SYT9: variants seen among roughly 807,000 people sequenced by gnomAD.
The protein encoded by SYT9 is synaptotagmin 9, also known as synaptotagmin-9.
In SYT9, 22 loss-of-function variants were observed where a neutral mutation model predicts 48.4. That is an observed-to-expected ratio of 0.45 (90% confidence interval 0.32 to 0.65). The LOEUF is 0.65. SYT9 is among the 30% of genes least tolerant of loss of function. SYT9 has a pLI of 0.03. For missense variants in SYT9, 577 were observed against 622.0 expected (o/e 0.93, Z 0.77); for synonymous variants, 265 against 245.0 (o/e 1.08, Z -0.76).
intron 3 of SYT9, among the ~76,000 whole-genome samples, chr11:7,332,972 T>C (rs959390588): frequency 6.6e-6 from 1 of 152,218 alleles, no homozygotes; most frequent in African/African-American, 2.4e-5. Flanking sequence ...GTGATCCAGT[T>C]TCCTGACAGA....
chr11:7,333,046 C>A (rs926431600), intron 3 of SYT9, among the ~76,000 whole-genome samples: 1 of 152,154 alleles, frequency 6.6e-6, no homozygotes, highest in Non-Finnish European at 1.5e-5. Flanking sequence ...TTTCGAGAAT[C>A]GAAACAGTTT....
chr11:7,367,248 ATTT>A (rs71056801), intron 3 of SYT9, among the ~76,000 whole-genome samples: 11 of 131,158 alleles, frequency 8.4e-5, no homozygotes, highest in Non-Finnish European at 8.1e-5. Flanking sequence ...CGCCCGGCTA[ATTT>A]TTTTTTTTTT....
chr11:7,275,922 T>C (rs903830361), intron 1 of SYT9, among the ~76,000 whole-genome samples: 3 of 152,216 alleles, frequency 2.0e-5, no homozygotes, highest in African/African-American at 4.8e-5. Context: ...CTTCAGATCA[T>C]ATGTGTCTGA....
At chr11:7,407,839 A>G (rs1847051957) in intron 3 of SYT9, among the ~76,000 whole-genome samples, 1 of 152,202 alleles carries the variant, frequency 6.6e-6, no homozygotes, top group East Asian at 1.9e-4. Flanking sequence ...TTGGCTGTAA[A>G]TACATGGATT....
chr11:7,282,036 T>G (rs1848503897), intron 1 of SYT9, among the ~76,000 whole-genome samples: 1 of 150,888 alleles, frequency 6.6e-6, no homozygotes, highest in African/African-American at 2.5e-5. Context: ...TTGCTTTAAG[T>G]TGCTAACTGT....
intron 2 of SYT9, among the ~76,000 whole-genome samples, chr11:7,305,072 A>T (rs1849008320): frequency 6.6e-6 from 1 of 152,234 alleles, no homozygotes; most frequent in Non-Finnish European, 1.5e-5. Flanking sequence ...CTGGGAAAGT[A>T]TATAAATATA....
chr11:7,414,987 C>CT (rs1031113951), intron 3 of SYT9, among the ~76,000 whole-genome samples: 6 of 152,138 alleles, frequency 3.9e-5, no homozygotes, highest in South Asian at 4.1e-4. Context: ...AATGAAATGG[C>CT]TTTTTTTCCC....
Position 7,313,940 on chromosome 11 carries a change from A to C in SYT9, c.1043A>C (p.Asn348Thr). 1.2e-6 allele frequency: 2 copies of C among 1,608,522 alleles called. No homozygotes were observed. The highest frequency in any genetic ancestry group is 1.7e-6 in the Non-Finnish European group (2 of 1,178,060). The change falls in exon 3 of 7, where the codon AAT (asparagine) becomes ACT (threonine). Residue 348 changes from asparagine to threonine, a missense_variant and splice_region_variant. By Grantham distance (65) the Asn-to-Thr change is moderately conservative (BLOSUM62 0). Transcript: ENST00000318881. ...TGGAAGGATATCGAATATGTCACCA[A>C]TGTGAGTCCAGCATTTCTTCATTTT... ...ILWKDIEYVT[N>T]DNVDLGELMF...
chr11:7,425,023 C>T (rs1847427207), intron 6 of SYT9, among the ~76,000 whole-genome samples: 1 of 152,190 alleles, frequency 6.6e-6, no homozygotes, highest in African/African-American at 2.4e-5. Flanking sequence ...CAGCAACTGT[C>T]AGTTACCCAG....
chr11:7,258,219 T>C (rs1248521149), intron 1 of SYT9, among the ~76,000 whole-genome samples: 1 of 152,172 alleles, frequency 6.6e-6, no homozygotes, highest in African/African-American at 2.4e-5. Flanking sequence ...CCAAAGTGTA[T>C]AGAGAAAGTG....
At chr11:7,335,144 G>T (rs1589953519) in intron 3 of SYT9, among the ~76,000 whole-genome samples, 2 of 152,314 alleles carry the variant, frequency 1.3e-5, no homozygotes, top group East Asian at 3.9e-4. Flanking sequence ...GCACTTGGTA[G>T]AGTTGGTCTT....
intron 1 of SYT9, among the ~76,000 whole-genome samples, chr11:7,256,829 T>A (rs1847980561): frequency 6.6e-6 from 1 of 152,212 alleles, no homozygotes; most frequent in Admixed American, 6.5e-5. Flanking sequence ...TAGAAAAGGT[T>A]CAGCAGGTCA....
chr11:7,285,495 A>T (rs1343205821), intron 1 of SYT9, among the ~76,000 whole-genome samples: 1 of 152,176 alleles, frequency 6.6e-6, no homozygotes, highest in Non-Finnish European at 1.5e-5. Context: ...GGGAACTATG[A>T]TTCAAGATGA....
chr11:7,406,471 C>T (rs1365089681), intron 3 of SYT9, among the ~76,000 whole-genome samples: 1 of 150,784 alleles, frequency 6.6e-6, no homozygotes, highest in South Asian at 2.1e-4. Context: ...CCTCCATTTC[C>T]ATTCCTGTTG....
At chr11:7,460,665 TAA>T (rs770233817) in intron 6 of SYT9, among the ~76,000 whole-genome samples, 5 of 152,224 alleles carry the variant, frequency 3.3e-5, no homozygotes, top group Non-Finnish European at 7.3e-5. Flanking sequence ...TTTAACTAGT[TAA>T]GTTATTCTAA....
intron 6 of SYT9, among the ~76,000 whole-genome samples, chr11:7,459,121 G>T (rs1299106563): frequency 6.6e-6 from 1 of 152,230 alleles, no homozygotes; most frequent in Non-Finnish European, 1.5e-5. Flanking sequence ...GAAAAGTAAA[G>T]GATGATTCCA....
At chr11:7,391,157 TG>T (rs1478733228) in intron 3 of SYT9, among the ~76,000 whole-genome samples, 1 of 152,162 alleles carries the variant, frequency 6.6e-6, no homozygotes, top group East Asian at 1.9e-4. Context: ...GACATGATTT[TG>T]TTCTATTCCA....
chr11:7,450,483 G>A (rs1848027244), intron 6 of SYT9: 1 of 152,200 alleles, frequency 6.6e-6, no homozygotes, highest in Non-Finnish European at 1.5e-5. Context: ...TACCTGTCTG[G>A]CAGAGCTGCA....
rs78211261 is a variant in SYT9 at position 7,313,270 on chromosome 11, A to C, written c.498-125A>C. 5,476 of 996,192 alleles carry C rather than the reference A, an allele frequency of 5.5e-3. 164 individuals carry two copies. The African/African-American group carries it at 0.073, about 13-fold the overall frequency. 61.7% of individuals were successfully genotyped at this position (996,192 alleles called of 1,614,324 possible). On this transcript the variant is annotated intron_variant, in intron 2 of 6. Transcript: ENST00000318881. ...TTTGAATTTAGGCCACACACACACAAAAAAGGCCCACAGATCTAAGCTCCT... is the reference window on the plus strand; with the variant it reads ...TTTGAATTTAGGCCACACACACACACAAAAGGCCCACAGATCTAAGCTCCT...
Sources: gnomAD v4.1 joint callset for allele counts (sites outside exome capture counted in the v4.1 genomes callset) on GRCh38, gnomAD v4.1.1 for gene constraint, MANE v1.5 for transcripts, NCBI Gene and HGNC (gene_info 2026-07-23, HGNC 2026-07-21) for gene names.